EP300: variants seen among roughly 807,000 people sequenced by gnomAD.
The protein encoded by EP300 is histone acetyltransferase p300.
A neutral mutation model predicts 264.0 loss-of-function variants in EP300; 31 were observed. That is an observed-to-expected ratio of 0.12 (90% CI 0.09 to 0.16). The LOEUF (loss-of-function observed/expected upper bound fraction) is 0.16. EP300 is among the 10% of genes least tolerant of loss of function. EP300 has a pLI of 1.00. For synonymous variants in EP300, 1,340 were observed against 1,045.4 expected (o/e 1.28, Z -5.44); for missense variants, 2,766 against 3,052.9 (o/e 0.91, Z 2.21).
In EP300 at chr22:41,149,050, G is replaced by C. The variant is rs1338244902; in HGVS notation, c.2254G>C (p.Gly752Arg). Residue 752 changes from glycine (G) to arginine (R), a missense_variant, in exon 13 of 31, where the codon GGG (glycine) becomes CGG (arginine). Coordinates refer to ENST00000263253, the MANE Select transcript of EP300 (RefSeq NM_001429.4). ...PGALNPPMGY[G>R]PRMQQPSNQG... The stretch of plus-strand genomic sequence containing the variant: ...TTTTTTTTTTCAGCCTATGGGCTAT[G>C]GGCCTCGTATGCAACAGCCTTCCAA... The C allele has an allele frequency of 1.2e-5, 19 of 1,610,928 alleles. No individual in the cohort carries two copies. The highest frequency in any genetic ancestry group is 1.6e-5 in the Non-Finnish European group (19 of 1,178,936).
intron 2 of EP300, among the ~76,000 whole-genome samples, chr22:41,123,888 A>T (rs537322600): frequency 1.2e-4 from 18 of 152,320 alleles, no homozygotes; most frequent in South Asian, 2.1e-4. Flanking sequence ...TTTTTCAATT[A>T]ATTATTATTA....
chr22:41,093,083 G>A lies in EP300; in HGVS notation c.79G>A (p.Ala27Thr), dbSNP rs768794905. Reference protein sequence around the residue: ...KLSSPALSASASDGTDFGSLF... With the variant: ...KLSSPALSASTSDGTDFGSLF... Reference sequence around the variant, plus strand: ...CTCATCTCCGGCCCTCTCGGCGTCCGCCAGCGATGGCACAGGTTAGTTTCG... The same window carrying A: ...CTCATCTCCGGCCCTCTCGGCGTCCACCAGCGATGGCACAGGTTAGTTTCG... Residue 27 changes from alanine to threonine, a missense_variant, in exon 1 of 31, where the codon GCC (alanine) becomes ACC (threonine). By Grantham distance (58) the Ala-to-Thr change is moderately conservative (BLOSUM62 0). Transcript: ENST00000263253. The A allele has an allele frequency of 1.2e-6, 2 of 1,614,070 alleles. No homozygotes were observed. Among genetic ancestry groups the A allele is most frequent in the South Asian group, 2.2e-5 (2 of 91,072 alleles).
chr22:41,097,565 G>C (rs957943174), intron 1 of EP300, among the ~76,000 whole-genome samples: 1 of 152,174 alleles, frequency 6.6e-6, no homozygotes, highest in Admixed American at 6.5e-5. Flanking sequence ...ATACAAGTGG[G>C]AGTGTAAAAT....
At chr22:41,126,170 G>C (rs148136490) in intron 3 of EP300, 130 bp downstream of exon 3, 2 of 898,974 alleles carry the variant, frequency 2.2e-6, no homozygotes, top group Non-Finnish European at 3.5e-6. Context: ...ATATGTACTT[G>C]ATGATCCCTG....
chr22:41,098,129 C>G (rs2058712030), intron 1 of EP300, among the ~76,000 whole-genome samples: 1 of 152,020 alleles, frequency 6.6e-6, no homozygotes, highest in Non-Finnish European at 1.5e-5. Flanking sequence ...AGGTATATCT[C>G]CTAATGCTAT....
chr22:41,164,501 CAG>C (rs1317311447), intron 22 of EP300, among the ~76,000 whole-genome samples: 2 of 152,258 alleles, frequency 1.3e-5, no homozygotes, highest in Non-Finnish European at 2.9e-5. Flanking sequence ...CACCTGAGGA[CAG>C]GGGTTCCAGA....
chr22:41,144,640 AC>A (rs1384995855), intron 10 of EP300, among the ~76,000 whole-genome samples: 10 of 151,838 alleles, frequency 6.6e-5, no homozygotes, highest in Admixed American at 5.3e-4. Flanking sequence ...TACAGGTGTG[AC>A]CCACTGCGCC....
chr22:41,149,254 G>A (rs1301867815), intron 13 of EP300, 79 bp downstream of exon 13: 4 of 1,544,178 alleles, frequency 2.6e-6, no homozygotes, highest in South Asian at 2.2e-5. Flanking sequence ...AGGAGAGAGT[G>A]GCAGCAAATA....
In EP300 at chr22:41,179,915, C is replaced by A. The variant is rs1449445782; in HGVS notation, c.*959C>A. 1 of 177,822 alleles carries A rather than the reference C, an allele frequency of 5.6e-6. No homozygotes were observed. Among genetic ancestry groups the A allele is most frequent in the Non-Finnish European group, 1.1e-5 (1 of 88,536 alleles). The allele number at this position is 177,822 out of a possible 1,614,324, so 11.0% of individuals were successfully genotyped here. A position where few individuals can be genotyped will look rare whatever the true frequency, so the allele number is the denominator to read the frequency against. Reference sequence around the variant, plus strand: ...ACACACACACACACACACACACACACACACACACTTTCTATAAAACTTGAA... The same window carrying A: ...ACACACACACACACACACACACACAAACACACACTTTCTATAAAACTTGAA... On this transcript the variant is annotated 3_prime_UTR_variant, in exon 31 of 31. Transcript: ENST00000263253.
intron 16 of EP300, 126 bp from the exon 17 acceptor site, chr22:41,154,869 A>G: frequency 2.8e-6 from 2 of 717,808 alleles, no homozygotes; most frequent in Non-Finnish European, 5.0e-6. Flanking sequence ...TGATATTTCC[A>G]TGGGGACAGA....
At chr22:41,175,482 T>C (rs1291185962) in intron 29 of EP300, among the ~76,000 whole-genome samples, 1 of 152,236 alleles carries the variant, frequency 6.6e-6, no homozygotes, top group Admixed American at 6.5e-5. Flanking sequence ...TTGATGGTTG[T>C]TACAAGTTTT....
chr22:41,134,163 C>CTTTTTTTTTTTTTTTTTTTTCT (rs11362436), intron 6 of EP300, among the ~76,000 whole-genome samples: 1 of 105,632 alleles, frequency 9.5e-6, no homozygotes, highest in African/African-American at 3.8e-5. Context: ...TCATTCTTTT[C>CTTTTTTTTTTTTTTTTTTTTCT]TTTTTTTTTT....
chr22:41,145,297 T>G (rs1459627269), intron 10 of EP300, among the ~76,000 whole-genome samples: 2 of 152,376 alleles, frequency 1.3e-5, no homozygotes, highest in South Asian at 4.1e-4. Context: ...ATATACTTCT[T>G]ATAAAGCTTG....
chr22:41,092,760 T>A lies in EP300; in HGVS notation c.-245T>A. 1.6e-6 allele frequency: 1 copy of A among 622,162 alleles called. No homozygotes were observed. Among genetic ancestry groups the A allele is most frequent in the Non-Finnish European group, 2.9e-6 (1 of 342,754 alleles). The allele number at this position is 622,162 out of a possible 1,614,324, so 38.5% of individuals were successfully genotyped here. On this transcript the variant is annotated 5_prime_UTR_variant, in exon 1 of 31. Transcript: ENST00000263253. The stretch of plus-strand genomic sequence containing the variant: ...GACGCGCTCGGCGAATTTGTGCTCT[T>A]GTGCCCTCCTCCGGGCTTGGGCCCA...
intron 19 of EP300, 155 bp from the exon 20 acceptor site, chr22:41,160,487 T>C: frequency 1.5e-6 from 1 of 672,386 alleles, no homozygotes; most frequent in South Asian, 1.6e-5. Flanking sequence ...GGGGCCCATA[T>C]ATCTGCATCA....
chr22:41,164,449 C>A (rs182210495), intron 22 of EP300, among the ~76,000 whole-genome samples: 9 of 152,256 alleles, frequency 5.9e-5, no homozygotes, highest in Admixed American at 4.6e-4. Flanking sequence ...AGGTGGCTCA[C>A]GCCTGTAATC....
Position 41,158,505 on chromosome 22 carries a change from G to A in EP300, c.3590+5G>A, listed in dbSNP as rs1362510346. The A allele has an allele frequency of 2.5e-6, 4 of 1,613,586 alleles. No individual in the cohort carries two copies. Among genetic ancestry groups the A allele is most frequent in the African/African-American group, 1.3e-5 (1 of 75,058 alleles). ...TTATTACAGTTACCAGAACAGGTAA[G>A]CTTGGCCAGGTGTGGACCATGGTCC... is the stretch of plus-strand genomic sequence containing the variant. On this transcript the variant is annotated splice_donor_5th_base_variant and intron_variant, in intron 19 of 30. Transcript: ENST00000263253.
chr22:41,101,852 T>G (rs1471525644), intron 1 of EP300, among the ~76,000 whole-genome samples: 1 of 152,068 alleles, frequency 6.6e-6, no homozygotes, highest in African/African-American at 2.4e-5. Context: ...AACTTTCTTA[T>G]AAAGGAGGAA....
intron 29 of EP300, chr22:41,174,616 T>C (rs1486095684): frequency 2.0e-5 from 3 of 152,204 alleles, no homozygotes; most frequent in Admixed American, 6.5e-5. Flanking sequence ...ATATAATTGA[T>C]AACGAAAGCC....
Sources: allele counts gnomAD v4.1 joint callset (sites outside exome capture counted in the v4.1 genomes callset), GRCh38; gene constraint gnomAD v4.1.1; transcripts MANE v1.5; gene names NCBI Gene and HGNC (gene_info 2026-07-23, HGNC 2026-07-21).